The following ADAMTS7 variants were observed in gnomAD, a reference collection of about 807,000 sequenced individuals.
ADAMTS7 encodes ADAM metallopeptidase with thrombospondin type 1 motif 7, also known as A disintegrin and metalloproteinase with thrombospondin motifs 7.
Under a neutral mutation model 172.6 loss-of-function variants are expected in ADAMTS7, and 89 were observed. The ratio of observed to expected loss-of-function variants is 0.52; its 90% CI spans 0.43 to 0.61. The LOEUF is 0.61. Ranked by LOEUF, ADAMTS7 falls within the 20% of genes least tolerant of loss-of-function variation. ADAMTS7 has a pLI of 0.00. For missense variants in ADAMTS7, 1,973 were observed against 2,355.6 expected, an observed-to-expected ratio of 0.84 and a Z score of 3.36; for synonymous variants, 885 against 978.4, an observed-to-expected ratio of 0.90 and a Z score of 1.78.
In ADAMTS7 at chr15:78,764,540, T is replaced by A. The variant is rs942452421; in HGVS notation, c.4419+15A>T. 1 of 1,539,034 alleles carries A rather than the reference T, an allele frequency of 6.5e-7. No homozygotes were observed. The highest frequency in any genetic ancestry group is 1.4e-5 in the African/African-American group (1 of 73,312). ...ATGCCCTGGGAATGCCTGTCCTGGC[T>A]CCATCCTCACGCACCTTACTCCAGT... On this transcript the variant is annotated intron_variant, in intron 20 of 23. Coordinates refer to ENST00000388820, the MANE Select transcript of ADAMTS7 (RefSeq NM_014272.5).
At chr15:78,785,650 G>A (rs2055492056) in intron 8 of ADAMTS7, among the ~76,000 whole-genome samples, 1 of 152,116 alleles carries the variant, frequency 6.6e-6, no homozygotes. Flanking sequence ...TGCGGAATAT[G>A]GACTTAATCC....
intron 1 of ADAMTS7, among the ~76,000 whole-genome samples, chr15:78,806,089 AAAAC>A (rs2055784740): frequency 1.4e-5 from 1 of 70,794 alleles, no homozygotes; most frequent in African/African-American, 6.3e-5. Context: ...CCCCCCCCCA[AAAAC>A]ACACACACAC....
In ADAMTS7 at chr15:78,767,034, C is replaced by T. The variant is rs141319445; in HGVS notation, c.2877G>A (p.Gly959=). The part of the protein sequence containing the change: ...GNWSQCSVTC[G]EGTQRRNVLC... ...GGACATTTCGGCGCTGAGTGCCCTC[C>T]CCACATGTCACTGAGCACTGCAGGG... is the stretch of plus-strand genomic sequence containing the variant. The change falls in exon 19 of 24, where the codon GGG becomes GGA. Residue 959 remains glycine, a synonymous_variant. Transcript: ENST00000388820. 1,548 of 1,559,530 alleles carry T rather than the reference C, an allele frequency of 9.9e-4. 5 individuals carry two copies. Among genetic ancestry groups the T allele is most frequent in the South Asian group, 1.2e-3 (99 of 80,610 alleles).
In ADAMTS7 at chr15:78,771,304, C is replaced by T; in HGVS notation, c.2377-1G>A. 1.9e-6 allele frequency: 3 copies of T among 1,612,344 alleles called. No individual in the cohort carries two copies. The highest frequency in any genetic ancestry group is 2.5e-6 in the Non-Finnish European group (3 of 1,179,028). ...CAGGGTTGCTCTCCTGGAACAGCAG[C>T]TGGGTGGGCAGGCGGGGGCCCATGA... On this transcript the variant is annotated splice_acceptor_variant, in intron 15 of 23. Coordinates refer to ENST00000388820, the MANE Select transcript of ADAMTS7 (RefSeq NM_014272.5). LOFTEE classifies it high-confidence loss of function. The surrounding 1 kb of genome is among the most constrained non-coding windows in gnomAD (Gnocchi z 4.9).
Position 78,766,625 on chromosome 15 carries a change from G to C in ADAMTS7, c.3286C>G (p.Pro1096Ala). 1 of 1,608,384 alleles carries C rather than the reference G, an allele frequency of 6.2e-7. No individual in the cohort carries two copies. Among genetic ancestry groups the C allele is most frequent in the Non-Finnish European group, 8.5e-7 (1 of 1,178,656 alleles). Reference protein sequence around the residue: ...LDLAGTGDRTPPPHSHPAAPS... With the variant: ...LDLAGTGDRTAPPHSHPAAPS... ...GCAGCAGGATGGCTGTGTGGTGGGG[G>C]TGTCCGGTCCCCTGTCCCCGCCAGG... The change falls in exon 19 of 24, where the codon CCC becomes GCC. Residue 1096 changes from proline to alanine, a missense_variant. This residue lies in a region of ADAMTS7 where 771 missense variants were observed against 952.6 expected (regional missense o/e 0.81). Transcript: ENST00000388820.
In ADAMTS7 at chr15:78,771,497, C is replaced by A. The variant is rs1373556235; in HGVS notation, c.2376+88G>T. The A allele has an allele frequency of 6.5e-7, 1 of 1,541,248 alleles. No individual in the cohort carries two copies. The highest frequency in any genetic ancestry group is 1.4e-5 in the African/African-American group (1 of 73,232). On this transcript the variant is annotated intron_variant, in intron 15 of 23. Coordinates refer to ENST00000388820, the MANE Select transcript of ADAMTS7 (RefSeq NM_014272.5). This position sits in a 1 kb window ranked among gnomAD's most constrained non-coding sequence, Gnocchi z 4.9. ...GGCTCTGTGACTGAACCAGGGCTCA[C>A]TCCTCCAGGACGAGACCTGCCATGG...
rs1053017060 is a variant in ADAMTS7, at chr15:78,798,000, C to G, written c.570G>C (p.Glu190Asp). 6.3e-7 allele frequency: 1 copy of G among 1,589,170 alleles called. No homozygotes were observed. The highest frequency in any genetic ancestry group is 8.5e-7 in the Non-Finnish European group (1 of 1,170,450). ...TGGAATCACCCCGCTGTGCCAGCCT[C>G]TCCGGGGCCTGACGCTTGTACACCA... ...PHVVYKRQAPERLAQRGDSSA... is the reference protein window; with the variant it reads ...PHVVYKRQAPDRLAQRGDSSA... Residue 190 changes from glutamate to aspartate, a missense_variant, in exon 3 of 24, where the codon GAG becomes GAC. Around this residue, in one of 8 missense-constraint regions of ADAMTS7, gnomAD observed 306 missense variants for 288.0 expected, o/e 1.06. Coordinates refer to ENST00000388820, the MANE Select transcript of ADAMTS7 (RefSeq NM_014272.5).
rs111789308 is a variant in ADAMTS7 at position 78,765,675 on chromosome 15, G to T, written c.4236C>A (p.Asn1412Lys). Residue 1412 changes from asparagine (N) to lysine (K), a missense_variant, in exon 19 of 24, where the codon AAC becomes AAA. Asn to Lys is a moderately conservative substitution (Grantham distance 94). Coordinates refer to ENST00000388820, the MANE Select transcript of ADAMTS7 (RefSeq NM_014272.5). ...GPPADPLVVR[N>K]AGWQAGNWSE... is the part of the protein sequence containing the mutation. ...TCCAGTTTCCCGCTTGCCAGCCGGC[G>T]TTCCTGACAACCAACGGGTCCGCGG... 6.2e-7 allele frequency: 1 copy of T among 1,605,318 alleles called. No individual in the cohort carries two copies. The highest frequency in any genetic ancestry group is 2.2e-5 in the East Asian group (1 of 44,776).
At chr15:78,788,521 A>T (rs1460519836) in intron 7 of ADAMTS7, 147 bp from the exon 8 acceptor site, 1 of 923,696 alleles carries the variant, frequency 1.1e-6, no homozygotes, top group South Asian at 1.6e-5. Flanking sequence ...GCAGAAAGTC[A>T]CATTCCCCTC....
intron 1 of ADAMTS7, among the ~76,000 whole-genome samples, chr15:78,802,607 T>A (rs781276536): frequency 6.6e-6 from 1 of 152,272 alleles, no homozygotes; most frequent in Non-Finnish European, 1.5e-5. Flanking sequence ...TCTGTTGCTC[T>A]GTCCTCCTGG....
intron 4 of ADAMTS7, among the ~76,000 whole-genome samples, chr15:78,795,093 C>G (rs1181269931): frequency 6.6e-6 from 1 of 152,220 alleles, no homozygotes. Context: ...ACCCAGTTAA[C>G]CATTGGTGGC....
chr15:78,801,123 C>T (rs1339924618), intron 1 of ADAMTS7, among the ~76,000 whole-genome samples: 2 of 152,170 alleles, frequency 1.3e-5, no homozygotes, highest in African/African-American at 4.8e-5. Context: ...GTGTTTTCAC[C>T]AAGGGAAAGC....
chr15:78,789,930 C>T (rs1255325949), intron 6 of ADAMTS7, 92 bp from the exon 7 acceptor site: 1 of 1,472,430 alleles, frequency 6.8e-7, no homozygotes, highest in East Asian at 2.5e-5. Flanking sequence ...CCGAATTGAT[C>T]CCAAGCGAAA....
chr15:78,800,376 A>G lies in ADAMTS7; in HGVS notation c.272T>C (p.Leu91Pro). ...CTGATTGGCGGTCAGGTTGAAGCGC[A>G]GCTCGCGCCCGCGGTATTGTAGCTC... is the stretch of plus-strand genomic sequence containing the variant. ...FYELQYRGRELRFNLTANQHL... is the reference protein window; with the variant it reads ...FYELQYRGREPRFNLTANQHL... The change falls in exon 2 of 24, where the codon CTG (leucine) becomes CCG (proline). Residue 91 changes from leucine (L) to proline (P), a missense_variant. This residue lies in a region of ADAMTS7 where 306 missense variants were observed against 288.0 expected (regional missense o/e 1.06). Coordinates refer to ENST00000388820, the MANE Select transcript of ADAMTS7 (RefSeq NM_014272.5). 2 of 1,606,946 alleles carry G rather than the reference A, an allele frequency of 1.2e-6. No homozygotes were observed. Among genetic ancestry groups the G allele is most frequent in the Non-Finnish European group, 1.7e-6 (2 of 1,177,366 alleles).
In ADAMTS7 at chr15:78,775,039, C is replaced by T. The variant is rs112668178; in HGVS notation, c.1707-246G>A. 6.1e-3 allele frequency among the ~76,000 whole-genome samples: 934 copies of T among 152,298 alleles called. 13 individuals carry two copies. The highest frequency in any genetic ancestry group is 0.021 in the African/African-American group (860 of 41,560). ...CTCTGCCCCCAACCTACAGTGTGAC[C>T]GTGGGCAAGTCTTCGGCCACCCTCT... On this transcript the variant is annotated intron_variant, in intron 11 of 23. Transcript: ENST00000388820.
rs1416028145 is a variant in ADAMTS7, at chr15:78,782,622, G to A, written c.1323-5034C>T. 3.9e-5 allele frequency among the ~76,000 whole-genome samples: 6 copies of A among 152,192 alleles called. No homozygotes were observed. In the East Asian group the frequency reaches 1.2e-3, roughly 29 times the overall value. On this transcript the variant is annotated intron_variant, in intron 8 of 23. Transcript: ENST00000388820. ...GATGGGTAATGAAGGATGTCAACAA[G>A]ATTCTGGAAGCTGGGAAGCAGATGG...
At position 78,776,785 on chromosome 15, in the gene ADAMTS7, A is replaced by G. The variant is rs1459571294; in HGVS notation, c.1524T>C (p.Asp508=). The G allele has an allele frequency of 6.4e-7, 1 of 1,552,034 alleles. No individual in the cohort carries two copies. The highest frequency in any genetic ancestry group is 8.7e-7 in the Non-Finnish European group (1 of 1,146,888). ...SVGTTCHSKL[D]AAVDGTRCGE... ...CACACCGGGTGCCGTCCACAGCTGC[A>G]TCCAGCTTGGAGTGACAGGTGGTCC... Residue 508 remains aspartate (D), a synonymous_variant, in exon 10 of 24, where the codon GAT becomes GAC. Transcript: ENST00000388820.
chr15:78,797,337 T>C (rs576119784), intron 3 of ADAMTS7, among the ~76,000 whole-genome samples: 3 of 152,336 alleles, frequency 2.0e-5, no homozygotes, highest in African/African-American at 4.8e-5. Flanking sequence ...GAAGCATGCC[T>C]CTGTGGATAT....
Position 78,789,738 on chromosome 15 carries a change from C to G in ADAMTS7, c.1129G>C (p.Asp377His). 6.2e-7 allele frequency: 1 copy of G among 1,612,936 alleles called. No individual in the cohort carries two copies. Among genetic ancestry groups the G allele is most frequent in the Non-Finnish European group, 8.5e-7 (1 of 1,179,782 alleles). ...GTGAAGGCCAGCGGCAGGCCCGTGTCCTCGTTGATGCTGCAGCTGCGGTGC... is the reference window on the plus strand; with the variant it reads ...GTGAAGGCCAGCGGCAGGCCCGTGTGCTCGTTGATGCTGCAGCTGCGGTGC... ...QPHRSCSINE[D>H]TGLPLAFTVA... Residue 377 changes from aspartate (D) to histidine (H), a missense_variant, in exon 7 of 24, where the codon GAC becomes CAC. By Grantham distance (81) the Asp-to-His change is moderately conservative (BLOSUM62 -1). Around this residue, in one of 8 missense-constraint regions of ADAMTS7, gnomAD observed 526 missense variants for 662.9 expected, o/e 0.79. Coordinates refer to ENST00000388820, the MANE Select transcript of ADAMTS7 (RefSeq NM_014272.5).
Sources: gnomAD v4.1 joint callset for allele counts (sites outside exome capture counted in the v4.1 genomes callset) on GRCh38, gnomAD v4.1.1 for gene constraint, gnomAD v4.1.1 regional missense constraint, Gnocchi (gnomAD v3.1) non-coding constraint, MANE v1.5 for transcripts, NCBI Gene and HGNC (gene_info 2026-07-23, HGNC 2026-07-21) for gene names.